The following MAF variants were observed in gnomAD, a reference collection of about 807,000 sequenced individuals.
MAF encodes the protein MAF bZIP transcription factor.
A neutral mutation model predicts 22.0 loss-of-function variants in MAF; 10 were observed. The observed-to-expected ratio is 0.45, with a 90% confidence interval of 0.28 to 0.77. The LOEUF is 0.77. MAF is among the 30% of genes least tolerant of loss of function. MAF has a pLI of 0.12. For missense variants in MAF, 544 were observed against 548.4 expected, an observed-to-expected ratio of 0.99 and a Z score of 0.08; for synonymous variants, 337 against 255.8, an observed-to-expected ratio of 1.32 and a Z score of -3.03.
chr16:79,562,974 G>A, the MAF span, among the ~76,000 whole-genome samples: 3 of 152,166 alleles, frequency 2.0e-5, no homozygotes, highest in Admixed American at 6.5e-5. Flanking sequence ...AAATTCAAAT[G>A]TGTCTACTGG....
At chr16:79,585,937 G>A (rs1912812286) in exon 2 of MAF, 1 of 683,924 alleles carries the variant, frequency 1.5e-6, no homozygotes, top group Non-Finnish European at 2.6e-6. Flanking sequence ...GATTCCCTTG[G>A]GTACCTGATT....
chr16:79,371,549 C>T, the MAF span, among the ~76,000 whole-genome samples: 3 of 152,208 alleles, frequency 2.0e-5, no homozygotes, highest in Admixed American at 6.5e-5. Context: ...GCCTTCTAGG[C>T]ACACTGGACT....
chr16:79,503,685 CAT>C, the MAF span, among the ~76,000 whole-genome samples: 654 of 152,302 alleles, frequency 4.3e-3, 4 homozygotes, highest in Middle Eastern at 6.8e-3. Flanking sequence ...AGAAAAATCA[CAT>C]GAGTGTTCCT....
chr16:79,405,764 C>T, the MAF span, among the ~76,000 whole-genome samples: 24 of 152,128 alleles, frequency 1.6e-4, no homozygotes, highest in African/African-American at 5.6e-4. Context: ...CTTGCATTAT[C>T]TTATTTAGTC....
chr16:79,260,602 A>C, the MAF span, among the ~76,000 whole-genome samples: 1 of 152,236 alleles, frequency 6.6e-6, no homozygotes, highest in African/African-American at 2.4e-5. Flanking sequence ...TGTGCTTGAC[A>C]CATAGTAATT....
chr16:79,374,901 G>C, the MAF span, among the ~76,000 whole-genome samples: 3 of 152,182 alleles, frequency 2.0e-5, no homozygotes, highest in Non-Finnish European at 4.4e-5. Flanking sequence ...AAATGAACTT[G>C]ATATAGGATC....
chr16:79,354,864 C>G, the MAF span, among the ~76,000 whole-genome samples: 1 of 152,034 alleles, frequency 6.6e-6, no homozygotes, highest in African/African-American at 2.4e-5. Flanking sequence ...AATAACAATC[C>G]CACAAAACAC....
the MAF span, among the ~76,000 whole-genome samples, chr16:79,312,776 C>T: frequency 4.6e-5 from 7 of 152,288 alleles, no homozygotes; most frequent in South Asian, 2.1e-4. Context: ...CCTTTATCTC[C>T]GCTTGCATCG....
chr16:79,298,831 A>C, the MAF span, among the ~76,000 whole-genome samples: 1 of 152,378 alleles, frequency 6.6e-6, no homozygotes, highest in South Asian at 2.1e-4. Context: ...GAGGCCCCTC[A>C]GAGGTTATAG....
chr16:79,484,484 C>A, the MAF span, among the ~76,000 whole-genome samples: 1 of 152,218 alleles, frequency 6.6e-6, no homozygotes, highest in South Asian at 2.1e-4. Context: ...GGGCTGAGTC[C>A]TTACCAGGGG....
At chr16:79,547,060 G>A in the MAF span, among the ~76,000 whole-genome samples, 6 of 152,246 alleles carry the variant, frequency 3.9e-5, no homozygotes, top group South Asian at 1.2e-3. Flanking sequence ...CGAGTTTGAA[G>A]CTTTTTCTTT....
chr16:79,416,153 G>C, the MAF span, among the ~76,000 whole-genome samples: 2 of 152,190 alleles, frequency 1.3e-5, no homozygotes, highest in Non-Finnish European at 1.5e-5. Context: ...CAGGATGGAA[G>C]TGGGGCGATT....
At chr16:79,272,839 G>A in the MAF span, among the ~76,000 whole-genome samples, 1 of 152,012 alleles carries the variant, frequency 6.6e-6, no homozygotes, top group South Asian at 2.1e-4. Context: ...TGATTCCTTT[G>A]GTCTTGGCAC....
At chr16:79,326,637 T>C in the MAF span, among the ~76,000 whole-genome samples, 98 of 152,340 alleles carry the variant, frequency 6.4e-4, no homozygotes, top group Non-Finnish European at 1.2e-3. Flanking sequence ...GTAGATCACA[T>C]ACGGTTTCTG....
chr16:79,302,864 T>A, the MAF span, among the ~76,000 whole-genome samples: 3 of 152,192 alleles, frequency 2.0e-5, no homozygotes, highest in Non-Finnish European at 4.4e-5. Flanking sequence ...TGCAAAATAG[T>A]CAATCTGTTT....
chr16:79,481,048 A>G, the MAF span, among the ~76,000 whole-genome samples: 2 of 152,130 alleles, frequency 1.3e-5, no homozygotes, highest in African/African-American at 4.8e-5. Context: ...GTGTATGTTT[A>G]TTCACTTAGT....
the MAF span, among the ~76,000 whole-genome samples, chr16:79,552,802 C>T: frequency 6.6e-6 from 1 of 152,168 alleles, no homozygotes; most frequent in South Asian, 2.1e-4. Flanking sequence ...GTTCACAGTA[C>T]TTACCTTCAA....
chr16:79,357,653 G>A, the MAF span, among the ~76,000 whole-genome samples: 2 of 152,096 alleles, frequency 1.3e-5, no homozygotes, highest in Non-Finnish European at 2.9e-5. Context: ...GACCATGGCT[G>A]TCTTCCTCAC....
the MAF span, among the ~76,000 whole-genome samples, chr16:79,568,928 A>G: frequency 3.9e-5 from 6 of 152,306 alleles, no homozygotes; most frequent in African/African-American, 1.4e-4. Context: ...TACTGTGCCC[A>G]TTTTACAGAT....
Sources: allele counts gnomAD v4.1 joint callset (sites outside exome capture counted in the v4.1 genomes callset), GRCh38; gene constraint gnomAD v4.1.1; transcripts MANE v1.5; gene names NCBI Gene and HGNC (gene_info 2026-07-23, HGNC 2026-07-21).